Variants in RBMS3 observed in about 807,000 individuals in gnomAD.
RBMS3 encodes RNA-binding motif, single-stranded-interacting protein 3.
In RBMS3, 27 loss-of-function variants were observed where a neutral mutation model predicts 66.8. The observed-to-expected ratio is 0.40, with a 90% confidence interval of 0.30 to 0.56. RBMS3 has a LOEUF of 0.56. Ranked by LOEUF, RBMS3 falls within the 20% of genes least tolerant of loss-of-function variation. The probability of loss-of-function intolerance (pLI) is 0.40; values close to 1 mark genes in which losing one functional copy is unlikely to be tolerated. For missense variants in RBMS3, 513 were observed against 549.5 expected, an observed-to-expected ratio of 0.93 and a Z score of 0.66; for synonymous variants, 188 against 183.0, an observed-to-expected ratio of 1.03 and a Z score of -0.22.
intron 4 of RBMS3, among the ~76,000 whole-genome samples, chr3:29,597,227 A>G: frequency 6.6e-6 from 1 of 152,186 alleles, no homozygotes; most frequent in East Asian, 1.9e-4. Flanking sequence ...AGGTAGCTAT[A>G]ATTTTTCCAT....
intron 5 of RBMS3, among the ~76,000 whole-genome samples, chr3:29,758,428 A>C (rs1225467907): frequency 6.6e-6 from 1 of 152,214 alleles, no homozygotes; most frequent in Non-Finnish European, 1.5e-5. Flanking sequence ...CTGAGTCTTG[A>C]AATTATGTGA....
At chr3:29,585,419 A>G (rs1309211452) in intron 3 of RBMS3, among the ~76,000 whole-genome samples, 1 of 152,150 alleles carries the variant, frequency 6.6e-6, no homozygotes, top group Admixed American at 6.6e-5. Context: ...AATTCATGGT[A>G]TGGTGTATTT....
chr3:29,480,717 C>A (rs1477177808), intron 2 of RBMS3, among the ~76,000 whole-genome samples: 1 of 152,122 alleles, frequency 6.6e-6, no homozygotes, highest in African/African-American at 2.4e-5. Context: ...CAAGAAAAGT[C>A]TGGCAGTAAA....
At chr3:29,437,880 A>G (rs888226285) in intron 2 of RBMS3, among the ~76,000 whole-genome samples, 2 of 152,206 alleles carry the variant, frequency 1.3e-5, no homozygotes, top group African/African-American at 4.8e-5. Flanking sequence ...GACTTACTCA[A>G]GATTACCTTT....
chr3:29,602,495 G>T (rs1559502017), intron 4 of RBMS3, among the ~76,000 whole-genome samples: 1 of 151,922 alleles, frequency 6.6e-6, no homozygotes, highest in African/African-American at 2.4e-5. Flanking sequence ...GGAATAGTTG[G>T]GTTTTATTAA....
intron 12 of RBMS3, among the ~76,000 whole-genome samples, chr3:29,985,707 G>A (rs932700748): frequency 1.1e-4 from 17 of 152,028 alleles, no homozygotes; most frequent in African/African-American, 4.1e-4. Context: ...AATGAGATGA[G>A]CCAGGTACCT....
At chr3:29,790,605 C>T (rs1280939660) in intron 6 of RBMS3, among the ~76,000 whole-genome samples, 4 of 152,026 alleles carry the variant, frequency 2.6e-5, no homozygotes, top group Admixed American at 2.6e-4. Flanking sequence ...TCTAAAATGA[C>T]CCAGCCAATA....
chr3:29,366,307 G>A (rs1461571861), intron 1 of RBMS3, among the ~76,000 whole-genome samples: 1 of 152,184 alleles, frequency 6.6e-6, no homozygotes, highest in African/African-American at 2.4e-5. Context: ...CATAGATCTA[G>A]ATTGATCAAT....
intron 4 of RBMS3, among the ~76,000 whole-genome samples, chr3:29,667,829 A>G (rs1350387165): frequency 1.3e-5 from 2 of 152,170 alleles, no homozygotes; most frequent in East Asian, 1.9e-4. Flanking sequence ...ATATAAAAAC[A>G]TTAGTAATCC....
chr3:29,300,728 T>C (rs1219972144), intron 1 of RBMS3, among the ~76,000 whole-genome samples: 2 of 151,932 alleles, frequency 1.3e-5, no homozygotes, highest in African/African-American at 4.8e-5. Context: ...AAAATTAATA[T>C]TGAAAATTAA....
At chr3:29,947,996 C>T (rs6785991) in intron 12 of RBMS3, among the ~76,000 whole-genome samples, 10 of 151,052 alleles carry the variant, frequency 6.6e-5, no homozygotes, top group African/African-American at 1.9e-4. Context: ...AAAAGAAAAA[C>T]GGGGCCTGAA....
At chr3:29,909,509 C>T (rs1267628781) in intron 10 of RBMS3, among the ~76,000 whole-genome samples, 1 of 152,054 alleles carries the variant, frequency 6.6e-6, no homozygotes, top group Non-Finnish European at 1.5e-5. Context: ...CTGAAGGCTT[C>T]CTGCTGTCTG....
chr3:29,643,723 G>A (rs1190078123), intron 4 of RBMS3, among the ~76,000 whole-genome samples: 1 of 152,110 alleles, frequency 6.6e-6, no homozygotes, highest in African/African-American at 2.4e-5. Flanking sequence ...TGATTTGAGG[G>A]AGGTTTCTAG....
chr3:29,328,016 G>A (rs992134488), intron 1 of RBMS3, among the ~76,000 whole-genome samples: 1 of 152,144 alleles, frequency 6.6e-6, no homozygotes, highest in Non-Finnish European at 1.5e-5. Context: ...AAAGAAAGAA[G>A]AGAAATTCGC....
At chr3:29,754,331 T>G (rs1382401725) in intron 5 of RBMS3, among the ~76,000 whole-genome samples, 1 of 152,194 alleles carries the variant, frequency 6.6e-6, no homozygotes. Context: ...AAATCTGCAA[T>G]CAGCAGAGAC....
chr3:29,676,418 G>C (rs566829072), intron 4 of RBMS3, among the ~76,000 whole-genome samples: 1 of 152,244 alleles, frequency 6.6e-6, no homozygotes, highest in Non-Finnish European at 1.5e-5. Flanking sequence ...AGAACTTAAA[G>C]TATAATAAAT....
At chr3:29,664,818 G>A (rs2050692171) in intron 4 of RBMS3, among the ~76,000 whole-genome samples, 2 of 152,056 alleles carry the variant, frequency 1.3e-5, no homozygotes. Context: ...GACACTTCTA[G>A]GTAAATGTGG....
At chr3:29,770,216 G>A (rs2056137635) in intron 6 of RBMS3, among the ~76,000 whole-genome samples, 2 of 151,726 alleles carry the variant, frequency 1.3e-5, no homozygotes, top group Non-Finnish European at 2.9e-5. Context: ...CCCCTGCCAC[G>A]TCTTCACATA....
intron 1 of RBMS3, among the ~76,000 whole-genome samples, chr3:29,370,816 C>T (rs2038159483): frequency 1.3e-5 from 2 of 152,124 alleles, no homozygotes; most frequent in African/African-American, 4.8e-5. Context: ...TTTAAAAGAC[C>T]TTGATTAGAA....
Sources: gnomAD v4.1 joint callset for allele counts (sites outside exome capture counted in the v4.1 genomes callset) on GRCh38, gnomAD v4.1.1 for gene constraint, MANE v1.5 for transcripts, NCBI Gene and HGNC (gene_info 2026-07-23, HGNC 2026-07-21) for gene names.